The following TASOR2 variants were observed in gnomAD, a reference collection of about 807,000 sequenced individuals.
TASOR2 encodes transcription activation suppressor family member 2.
In TASOR2, 84 loss-of-function variants were observed where a neutral mutation model predicts 199.5. The observed-to-expected ratio is 0.42, with a 90% CI of 0.35 to 0.50. The LOEUF is 0.50. Among genes scored for constraint, TASOR2 ranks in the 20% least tolerant of loss-of-function variants. The pLI, the probability that TASOR2 is intolerant of heterozygous loss-of-function variation, is 0.02. For synonymous variants in TASOR2, 1,103 were observed against 1,046.6 expected, an observed-to-expected ratio of 1.05 and a Z score of -1.04; for missense variants, 2,796 against 2,835.9, an observed-to-expected ratio of 0.99 and a Z score of 0.32.
In TASOR2 at chr10:5,701,617, T is replaced by C. The variant is rs1837860579; in HGVS notation, c.-287-11206T>C. Among the ~76,000 whole-genome samples the C allele has an allele frequency of 6.6e-6, 1 of 152,194 alleles. No homozygotes were observed. Among genetic ancestry groups the C allele is most frequent in the African/African-American group, 2.4e-5 (1 of 41,454 alleles). ...CATAGAGTATCTTTCTATTTTTTAA[T>C]GTCCACTTCAATTTCTTTCATCATT... On this transcript the variant is annotated intron_variant, in intron 1 of 20. Transcript: ENST00000328090. This position sits in a 1 kb window ranked among gnomAD's most constrained non-coding sequence, Gnocchi z 4.9.
Position 5,739,549 on chromosome 10 carries a change from A to G in TASOR2, c.1448-69A>G, listed in dbSNP as rs2079179938. The stretch of plus-strand genomic sequence containing the variant: ...TCAGACATGTTGAATTAACCATCAT[A>G]GTAATATGGCAGAGAGTTAATTCTA... On this transcript the variant is annotated intron_variant, in intron 12 of 20. Transcript: ENST00000328090. 4.2e-6 allele frequency: 6 copies of G among 1,414,658 alleles called. No homozygotes were observed. In the South Asian group the frequency reaches 5.5e-5, roughly 13 times the overall value. The allele number at this position is 1,414,658 out of a possible 1,614,324, so 87.6% of individuals were successfully genotyped here.
chr10:5,729,119 C>A (rs551810804), intron 10 of TASOR2, among the ~76,000 whole-genome samples: 47 of 152,126 alleles, frequency 3.1e-4, no homozygotes, highest in African/African-American at 1.1e-3. Flanking sequence ...GAGGCCAAGG[C>A]GGGCGGATCA....
chr10:5,746,505 C>T, exon 15 of TASOR2: 1 of 1,614,070 alleles, frequency 6.2e-7, no homozygotes, highest in African/African-American at 1.3e-5. Context: ...GCCCCATAAA[C>T]AATGAATGTC....
chr10:5,753,171 A>G (rs1838315982), intron 15 of TASOR2, among the ~76,000 whole-genome samples: 2 of 152,192 alleles, frequency 1.3e-5, no homozygotes, highest in South Asian at 4.1e-4. Flanking sequence ...GATTGGAAAA[A>G]TGACAGTCAC....
At chr10:5,735,669 C>T in intron 12 of TASOR2, 123 bp downstream of exon 13, 1 of 1,235,604 alleles carries the variant, frequency 8.1e-7, no homozygotes. Flanking sequence ...CTGTGTTTTT[C>T]AGTTCAGACA....
At chr10:5,761,293 G>A (rs1284830969) in exon 19 of TASOR2, 3 of 1,611,482 alleles carry the variant, frequency 1.9e-6, no homozygotes, top group African/African-American at 2.7e-5. Context: ...TTCACAGAGT[G>A]GATTCAACTG....
At position 5,740,420 on chromosome 10, in the gene TASOR2, A is replaced by G. The variant is rs1020967226; in HGVS notation, c.2250A>G (p.Glu750=). 1.9e-5 allele frequency: 30 copies of G among 1,614,082 alleles called. No individual in the cohort carries two copies. The highest frequency in any genetic ancestry group is 2.4e-5 in the Non-Finnish European group (28 of 1,180,058). The change falls in exon 13 of 21, where the codon GAA becomes GAG. Residue 750 remains glutamate, a synonymous_variant. Coordinates refer to ENST00000328090, the Ensembl canonical transcript of TASOR2. This position sits in a 1 kb window ranked among gnomAD's most constrained non-coding sequence, Gnocchi z 5.3. ...CCGTTAAGATCACTTTCAAATGTGA[A>G]ACAGAATATGCATTCAGTTTAGACA...
Position 5,759,001 on chromosome 10 carries a change from T to C in TASOR2, c.6992+9T>C, listed in dbSNP as rs1198452557. ...CTAAAAGAAGATGAAAGGTAAGGAC[T>C]TGCTGTGTGTATGGTTCCTCCTGCC... On this transcript the variant is annotated intron_variant, in intron 18 of 20. Coordinates refer to ENST00000328090, the Ensembl canonical transcript of TASOR2. The C allele has an allele frequency of 1.9e-6, 3 of 1,594,432 alleles. No homozygotes were observed. The highest frequency in any genetic ancestry group is 2.6e-6 in the Non-Finnish European group (3 of 1,162,092).
chr10:5,749,386 A>G (rs1837691658), exon 15 of TASOR2: 1 of 1,614,194 alleles, frequency 6.2e-7, no homozygotes, highest in Non-Finnish European at 8.5e-7. Context: ...ACTAAAACAG[A>G]CCATAAAGAA....
rs1423514964 is a variant in TASOR2 at position 5,710,975 on chromosome 10, A to G, written c.-287-1848A>G. The stretch of plus-strand genomic sequence containing the variant: ...TGCAGCTAATAAAGCTTTAATTTTA[A>G]CTCTTATAACTGGTGTTTTGCTATT... On this transcript the variant is annotated intron_variant, in intron 1 of 20. Coordinates refer to ENST00000328090, the Ensembl canonical transcript of TASOR2. The surrounding 1 kb of genome is among the most constrained non-coding windows in gnomAD (Gnocchi z 4.6). Among the ~76,000 whole-genome samples, 1 of 152,008 alleles carries G rather than the reference A, an allele frequency of 6.6e-6. No individual in the cohort carries two copies. The highest frequency in any genetic ancestry group is 1.5e-5 in the Non-Finnish European group (1 of 67,920).
At position 5,748,738 on chromosome 10, in the gene TASOR2, G is replaced by C; in HGVS notation, c.5317G>C (p.Ala1773Pro). The change falls in exon 15 of 21, where the codon GCC (alanine) becomes CCC (proline). Residue 1773 changes from alanine to proline, a missense_variant. Physicochemically the swap from Ala to Pro is conservative, Grantham distance 27 (BLOSUM62 -1). Transcript: ENST00000328090. This position sits in a 1 kb window ranked among gnomAD's most constrained non-coding sequence, Gnocchi z 5.1. ...GGAAAACCTCAGTAAAGAGCCTTTG[G>C]CCTCCTTTGTTTCAGAATCCTTTGA... 4 of 1,614,140 alleles carry C rather than the reference G, an allele frequency of 2.5e-6. No individual in the cohort carries two copies. The highest frequency in any genetic ancestry group is 2.5e-6 in the Non-Finnish European group (3 of 1,180,020).
chr10:5,758,370 A>G (rs886070156), intron 17 of TASOR2, among the ~76,000 whole-genome samples: 1 of 152,054 alleles, frequency 6.6e-6, no homozygotes, highest in Admixed American at 6.5e-5. Flanking sequence ...GTGAGATCCC[A>G]TCTCTACAAA....
At chr10:5,732,968 C>A (rs549176696) in intron 11 of TASOR2, among the ~76,000 whole-genome samples, 1 of 152,258 alleles carries the variant, frequency 6.6e-6, no homozygotes, top group African/African-American at 2.4e-5. Flanking sequence ...CCAGACTATA[C>A]AACTATCTGT....
chr10:5,705,780 CTA>C (rs1280322989), intron 1 of TASOR2, among the ~76,000 whole-genome samples: 2 of 152,154 alleles, frequency 1.3e-5, no homozygotes, highest in Admixed American at 6.5e-5. Context: ...TGAAATGTGT[CTA>C]TGAGTTTTTT....
intron 15 of TASOR2, among the ~76,000 whole-genome samples, chr10:5,756,014 CAA>C (rs568454301): frequency 3.2e-4 from 48 of 151,978 alleles, no homozygotes; most frequent in Admixed American, 1.2e-3. Flanking sequence ...AAAGAAATGT[CAA>C]AGTCATAGGG....
In TASOR2 at chr10:5,735,293, T is replaced by C. The variant is rs1041385564; in HGVS notation, c.1205-11T>C. 6.2e-7 allele frequency: 1 copy of C among 1,608,106 alleles called. No homozygotes were observed. Among genetic ancestry groups the C allele is most frequent in the East Asian group, 2.2e-5 (1 of 44,830 alleles). ...CTACCCCTTACAAAAATGATGTCTT[T>C]TCTACATAAGGTGCGGAAGTGCTGA... On this transcript the variant is annotated splice_polypyrimidine_tract_variant and intron_variant, in intron 11 of 20. Coordinates refer to ENST00000328090, the Ensembl canonical transcript of TASOR2.
rs554637659 is a variant in TASOR2, at chr10:5,739,725, A to C, written c.1555A>C (p.Asn519His). 20 of 1,614,202 alleles carry C rather than the reference A, an allele frequency of 1.2e-5. No individual in the cohort carries two copies. The South Asian group carries it at 2.1e-4, about 17-fold the overall frequency. Residue 519 changes from asparagine (N) to histidine (H), a missense_variant, in exon 13 of 21, where the codon AAT (asparagine) becomes CAT (histidine). Transcript: ENST00000328090. ...ACCAGAAAATACCACAGCGGCTCAC[A>C]ATGATCTTCCTGAAAACTCCATCGT...
At position 5,740,191 on chromosome 10, in the gene TASOR2, T is replaced by G. The variant is rs1412051280; in HGVS notation, c.2021T>G (p.Leu674Arg). The G allele has an allele frequency of 1.2e-6, 2 of 1,614,202 alleles. No individual in the cohort carries two copies. Among genetic ancestry groups the G allele is most frequent in the Admixed American group, 3.3e-5 (2 of 60,030 alleles). ...AAACATCTACAGGAGAGAGAGATAC[T>G]AAGCCCTCTGTTTCCCAGGAATGGG... Residue 674 changes from leucine (L) to arginine (R), a missense_variant, in exon 13 of 21, where the codon CTA becomes CGA. Leu to Arg is a moderately radical substitution (Grantham distance 102). This residue lies in a region of TASOR2 where 847 missense variants were observed against 887.4 expected (regional missense o/e 0.95). Coordinates refer to ENST00000328090, the Ensembl canonical transcript of TASOR2. The surrounding 1 kb of genome is among the most constrained non-coding windows in gnomAD (Gnocchi z 5.3).
rs1838564417 is a variant in TASOR2, at chr10:5,754,524, G to A, written c.6607-2089G>A. On this transcript the variant is annotated intron_variant, in intron 15 of 20. Transcript: ENST00000328090. This position sits in a 1 kb window ranked among gnomAD's most constrained non-coding sequence, Gnocchi z 4.3. ...CCTGCCTCACCTTCTCGAATAGCTG[G>A]GATTACAGGTGCGTGCCACCATGCC... Among the ~76,000 whole-genome samples the A allele has an allele frequency of 1.3e-5, 2 of 151,928 alleles. No homozygotes were observed. The highest frequency in any genetic ancestry group is 2.9e-5 in the Non-Finnish European group (2 of 68,004).
Sources: allele counts gnomAD v4.1 joint callset (sites outside exome capture counted in the v4.1 genomes callset), GRCh38; gene constraint gnomAD v4.1.1; regional missense constraint gnomAD v4.1.1; non-coding constraint Gnocchi (gnomAD v3.1); transcripts MANE v1.5; gene names NCBI Gene and HGNC (gene_info 2026-07-23, HGNC 2026-07-21).